Variants in FAF1 observed in about 807,000 individuals in gnomAD.
The protein encoded by FAF1 is FAS-associated factor 1.
In FAF1, 25 loss-of-function variants were observed where a neutral mutation model predicts 92.5. That is an observed-to-expected ratio of 0.27 (90% CI 0.20 to 0.38). The LOEUF (loss-of-function observed/expected upper bound fraction) is 0.38. Ranked by LOEUF, FAF1 falls within the 10% of genes least tolerant of loss-of-function variation. The probability of loss-of-function intolerance (pLI) is 1.00; values close to 1 mark genes in which losing one functional copy is unlikely to be tolerated. For missense variants in FAF1, 636 were observed against 793.3 expected, an observed-to-expected ratio of 0.80 and a Z score of 2.38; for synonymous variants, 234 against 273.2, an observed-to-expected ratio of 0.86 and a Z score of 1.42.
chr1:50,578,567 T>C (rs1650854975), intron 12 of FAF1, among the ~76,000 whole-genome samples: 1 of 152,156 alleles, frequency 6.6e-6, no homozygotes, highest in Non-Finnish European at 1.5e-5. Context: ...ACATGTGAGC[T>C]CTTATTTGGT....
At chr1:50,546,803 A>T (rs1649041400) in intron 13 of FAF1, among the ~76,000 whole-genome samples, 2 of 152,156 alleles carry the variant, frequency 1.3e-5, no homozygotes, top group Admixed American at 1.3e-4. Flanking sequence ...GATTAATGTG[A>T]ATGTGTTAGC....
chr1:50,553,360 A>G (rs2149047640), intron 13 of FAF1, among the ~76,000 whole-genome samples: 1 of 152,360 alleles, frequency 6.6e-6, no homozygotes, highest in Middle Eastern at 3.4e-3. Context: ...AACCGAGAGG[A>G]TTATCAAGAA....
chr1:50,687,548 G>A (rs1432991705), intron 7 of FAF1, among the ~76,000 whole-genome samples: 2 of 151,926 alleles, frequency 1.3e-5, no homozygotes, highest in East Asian at 1.9e-4. Context: ...TCAGGAGTTC[G>A]AGACCAGCCT....
At chr1:50,601,772 G>A (rs538692409) in intron 8 of FAF1, among the ~76,000 whole-genome samples, 2 of 151,148 alleles carry the variant, frequency 1.3e-5, no homozygotes, top group South Asian at 2.1e-4. Flanking sequence ...ATATTCATAT[G>A]TATACATATA....
At position 50,935,100 on chromosome 1, in the gene FAF1, C is replaced by T. The variant is rs116732144; in HGVS notation, c.45+24667G>A. On this transcript the variant is annotated intron_variant, in intron 1 of 18. Transcript: ENST00000396153. ...ACTGCAAAGGTATTGAAAAATGTGG[C>T]AATAAGATCCATATAACCAACAAGA... Among the ~76,000 whole-genome samples the T allele has an allele frequency of 3.3e-3, 504 of 152,128 alleles. 6 individuals carry two copies. The highest frequency in any genetic ancestry group is 0.011 in the African/African-American group (466 of 41,514).
At chr1:50,728,967 T>C (rs1658781988) in intron 6 of FAF1, among the ~76,000 whole-genome samples, 1 of 148,022 alleles carries the variant, frequency 6.8e-6, no homozygotes, top group African/African-American at 2.5e-5. Context: ...AAAAAAGTCA[T>C]TAAATAGTAA....
At chr1:50,469,282 C>A (rs1438882295) in intron 18 of FAF1, among the ~76,000 whole-genome samples, 2 of 152,172 alleles carry the variant, frequency 1.3e-5, no homozygotes, top group East Asian at 3.9e-4. Flanking sequence ...TGTACACTCT[C>A]AAGCAAGTAA....
chr1:50,699,235 C>T lies in FAF1; in HGVS notation c.657+6551G>A, dbSNP rs1327055464. The stretch of plus-strand genomic sequence containing the variant: ...ATTTGATTCCTTGTATCCTAACCCA[C>T]ATAGTTTACAATAAGAACTAATTAT... On this transcript the variant is annotated intron_variant, in intron 7 of 18. Transcript: ENST00000396153. Among the ~76,000 whole-genome samples the T allele has an allele frequency of 6.6e-5, 10 of 152,188 alleles. No individual in the cohort carries two copies. In the East Asian group the frequency reaches 1.9e-3, roughly 29 times the overall value.
chr1:50,776,194 T>C (rs997452763), intron 4 of FAF1, among the ~76,000 whole-genome samples: 4 of 152,194 alleles, frequency 2.6e-5, no homozygotes, highest in African/African-American at 4.8e-5. Flanking sequence ...TATCATCCAC[T>C]GTAAAAGCTA....
At chr1:50,727,103 T>C (rs1308360477) in intron 6 of FAF1, among the ~76,000 whole-genome samples, 1 of 152,242 alleles carries the variant, frequency 6.6e-6, no homozygotes, top group Non-Finnish European at 1.5e-5. Flanking sequence ...CCTCCATTTT[T>C]AATGTCTCAG....
chr1:50,826,695 A>C (rs1644101447), intron 2 of FAF1, among the ~76,000 whole-genome samples: 1 of 152,218 alleles, frequency 6.6e-6, no homozygotes, highest in Non-Finnish European at 1.5e-5. Context: ...AGATATTTAA[A>C]AGATCATAAA....
At chr1:50,536,522 C>T (rs1648491288) in intron 14 of FAF1, among the ~76,000 whole-genome samples, 1 of 152,130 alleles carries the variant, frequency 6.6e-6, no homozygotes, top group Non-Finnish European at 1.5e-5. Context: ...TTCAGTGGTC[C>T]TTTCCCTAAT....
At chr1:50,519,370 A>AGGAG (rs781526889) in intron 15 of FAF1, among the ~76,000 whole-genome samples, 6,824 of 99,404 alleles carry the variant, frequency 0.069, 334 homozygotes, top group African/African-American at 0.13. Flanking sequence ...GAAGGAAGGA[A>AGGAG]GGAGGGAGGG....
rs78174173 is a variant in FAF1, at chr1:50,484,793, G to A, written c.1653+5795C>T. 2.8e-3 allele frequency among the ~76,000 whole-genome samples: 430 copies of A among 152,080 alleles called. 3 individuals carry two copies. Among genetic ancestry groups the A allele is most frequent in the African/African-American group, 9.8e-3 (408 of 41,484 alleles). ...AGAAGCTCTGGTTCTGCTTTTATCAGGCTTATACGTTAGGTAAAAATTTAA... is the reference window on the plus strand; with the variant it reads ...AGAAGCTCTGGTTCTGCTTTTATCAAGCTTATACGTTAGGTAAAAATTTAA... On this transcript the variant is annotated intron_variant, in intron 17 of 18. Coordinates refer to ENST00000396153, the MANE Select transcript of FAF1 (RefSeq NM_007051.3).
chr1:50,781,599 C>G (rs1472938500), intron 4 of FAF1, among the ~76,000 whole-genome samples: 3 of 152,086 alleles, frequency 2.0e-5, no homozygotes, highest in Non-Finnish European at 4.4e-5. Flanking sequence ...ATAGAAATAT[C>G]CAGACCAGAT....
In FAF1 at chr1:50,919,231, G is replaced by A. The variant is rs532377926; in HGVS notation, c.45+40536C>T. Among the ~76,000 whole-genome samples, 23 of 151,890 alleles carry A rather than the reference G, an allele frequency of 1.5e-4. No homozygotes were observed. The East Asian group carries it at 1.5e-3, about 10-fold the overall frequency. ...AAATTTCCAGATAAACAAAAGCTGA[G>A]AGAATTTCTCACCAACAGATCTGCA... On this transcript the variant is annotated intron_variant, in intron 1 of 18. Transcript: ENST00000396153.
At chr1:50,539,535 A>C in intron 14 of FAF1, 57 bp downstream of exon 14, 1 of 1,300,994 alleles carries the variant, frequency 7.7e-7, no homozygotes, top group Non-Finnish European at 1.0e-6. Context: ...GGGTGGAAAA[A>C]CTATAAAGTT....
intron 1 of FAF1, among the ~76,000 whole-genome samples, chr1:50,927,363 T>C (rs1255403087): frequency 6.6e-6 from 1 of 151,974 alleles, no homozygotes; most frequent in African/African-American, 2.4e-5. Context: ...GGTGGGTCAC[T>C]TGAGGTCAGG....
intron 7 of FAF1, among the ~76,000 whole-genome samples, chr1:50,685,637 G>C (rs990009157): frequency 2.0e-5 from 3 of 152,216 alleles, no homozygotes; most frequent in African/African-American, 7.2e-5. Context: ...GTGTTGCACA[G>C]CCAGGAGATG....
Sources: gnomAD v4.1 joint callset for allele counts (sites outside exome capture counted in the v4.1 genomes callset) on GRCh38, gnomAD v4.1.1 for gene constraint, MANE v1.5 for transcripts, NCBI Gene and HGNC (gene_info 2026-07-23, HGNC 2026-07-21) for gene names.